The following HNF4A variants were observed in gnomAD, a reference collection of about 807,000 sequenced individuals.
HNF4A encodes hepatocyte nuclear factor 4 alpha.
In HNF4A, 15 loss-of-function variants were observed where a neutral mutation model predicts 52.4. The ratio of observed to expected loss-of-function variants is 0.29; its 90% CI spans 0.19 to 0.44. HNF4A has a LOEUF of 0.44. Ranked by LOEUF, HNF4A falls within the 20% of genes least tolerant of loss-of-function variation. The pLI, the probability that HNF4A is intolerant of heterozygous loss-of-function variation, is 1.00. For missense variants in HNF4A, 479 were observed against 647.2 expected, an observed-to-expected ratio of 0.74 and a Z score of 2.82; for synonymous variants, 280 against 264.4, an observed-to-expected ratio of 1.06 and a Z score of -0.57.
intron 1 of HNF4A, among the ~76,000 whole-genome samples, chr20:44,373,874 G>C (rs1376890087): frequency 6.6e-6 from 1 of 151,970 alleles, no homozygotes; most frequent in African/African-American, 2.4e-5. Flanking sequence ...ATTTTTAGTA[G>C]AGGTGGGGTT....
At position 44,429,599 on chromosome 20, in the gene HNF4A, C is replaced by T. The variant is rs748590780; in HGVS notation, c.1359C>T (p.Val453=). ...CCTATAAGCTCCTGCCGGGAGCCGT[C>T]GCCACAATCGTCAAGCCCCTCTCTG... is the stretch of plus-strand genomic sequence containing the variant. The change falls in exon 10 of 10, where the codon GTC becomes GTT. Residue 453 remains valine, a synonymous_variant. Coordinates refer to ENST00000316099, the MANE Select transcript of HNF4A (RefSeq NM_000457.6). The T allele has an allele frequency of 4.8e-5, 78 of 1,613,954 alleles. No individual in the cohort carries two copies. Among genetic ancestry groups the T allele is most frequent in the Non-Finnish European group, 5.9e-5 (70 of 1,180,014 alleles).
intron 1 of HNF4A, chr20:44,390,572 C>T (rs778796252): frequency 1.4e-6 from 1 of 701,554 alleles, no homozygotes; most frequent in South Asian, 1.5e-5. Context: ...CTGAGAGGGG[C>T]CAGCAGGAGC....
intron 1 of HNF4A, among the ~76,000 whole-genome samples, chr20:44,382,806 A>C (rs1368033850): frequency 6.6e-6 from 1 of 152,170 alleles, no homozygotes; most frequent in African/African-American, 2.4e-5. Flanking sequence ...TACACTAAAT[A>C]AATAAATCAT....
At chr20:44,391,167 G>A (rs58076004) in intron 1 of HNF4A, among the ~76,000 whole-genome samples, 1 of 152,064 alleles carries the variant, frequency 6.6e-6, no homozygotes, top group East Asian at 1.9e-4. Context: ...CCCAGAGCTT[G>A]TCTCATCGGC....
Position 44,429,813 on chromosome 20 carries a change from C to G in HNF4A, c.*148C>G, listed in dbSNP as rs1046197924. The G allele has an allele frequency of 1.2e-6, 1 of 802,058 alleles. No homozygotes were observed. The highest frequency in any genetic ancestry group is 2.0e-6 in the Non-Finnish European group (1 of 499,078). 49.7% of individuals were successfully genotyped at this position (802,058 alleles called of 1,614,324 possible). A position where few individuals can be genotyped will look rare whatever the true frequency, so the allele number is the denominator to read the frequency against. Reference sequence around the variant, plus strand: ...AAGGATGAAGGGCCCGAGAACATGGCCTAAGGGCCACATCCCACTGCCACC... The same window carrying G: ...AAGGATGAAGGGCCCGAGAACATGGGCTAAGGGCCACATCCCACTGCCACC... On this transcript the variant is annotated 3_prime_UTR_variant, in exon 10 of 10. Coordinates refer to ENST00000316099, the MANE Select transcript of HNF4A (RefSeq NM_000457.6).
chr20:44,360,711 A>G (rs946569880), intron 1 of HNF4A, among the ~76,000 whole-genome samples: 1 of 152,200 alleles, frequency 6.6e-6, no homozygotes, highest in Admixed American at 6.5e-5. Flanking sequence ...TTTAAGTGCC[A>G]GGTGAGCCTA....
intron 1 of HNF4A, among the ~76,000 whole-genome samples, chr20:44,383,033 G>A (rs979273652): frequency 6.6e-6 from 1 of 152,082 alleles, no homozygotes; most frequent in Admixed American, 6.6e-5. Flanking sequence ...GCCAGGGGTG[G>A]TGGTCCACAC....
chr20:44,356,029 C>G (rs553052414), intron 1 of HNF4A, among the ~76,000 whole-genome samples, 176 bp downstream of exon 1: 2 of 150,738 alleles, frequency 1.3e-5, no homozygotes, highest in Admixed American at 1.3e-4. Context: ...CAAGCCGGGG[C>G]ATGGCCTGCT....
chr20:44,428,228 A>G, intron 8 of HNF4A, 107 bp from the exon 9 acceptor site: 1 of 1,137,042 alleles, frequency 8.8e-7, no homozygotes, highest in South Asian at 1.2e-5. Context: ...AGGCACTGCC[A>G]ATATTGGATG....
At chr20:44,361,311 G>T (rs991879988) in intron 1 of HNF4A, among the ~76,000 whole-genome samples, 1 of 152,212 alleles carries the variant, frequency 6.6e-6, no homozygotes, top group African/African-American at 2.4e-5. Flanking sequence ...TTCAGTTGAG[G>T]TATGGAAACC....
chr20:44,412,827 A>AG (rs1334285302), intron 3 of HNF4A, among the ~76,000 whole-genome samples: 1 of 152,084 alleles, frequency 6.6e-6, no homozygotes, highest in Non-Finnish European at 1.5e-5. Flanking sequence ...GAGTGCAGGG[A>AG]GCCGGCTGGC....
chr20:44,408,420 T>C (rs2063533518), intron 3 of HNF4A, among the ~76,000 whole-genome samples: 1 of 152,170 alleles, frequency 6.6e-6, no homozygotes, highest in Non-Finnish European at 1.5e-5. Context: ...CAAAAATCTT[T>C]TAACTGCTTT....
At chr20:44,366,731 G>A (rs2062973928) in intron 1 of HNF4A, among the ~76,000 whole-genome samples, 2 of 152,172 alleles carry the variant, frequency 1.3e-5, no homozygotes, top group Non-Finnish European at 2.9e-5. Flanking sequence ...TGCATTTATT[G>A]TATGTTAGAA....
chr20:44,382,660 T>A (rs1164955659), intron 1 of HNF4A, among the ~76,000 whole-genome samples: 2 of 152,184 alleles, frequency 1.3e-5, no homozygotes, highest in Non-Finnish European at 2.9e-5. Flanking sequence ...GCCAAGGACC[T>A]CTTAGCTCCT....
chr20:44,429,611 C>G lies in HNF4A; in HGVS notation c.1371C>G (p.Val457=), dbSNP rs760563887. The G allele has an allele frequency of 1.9e-6, 3 of 1,614,092 alleles. No individual in the cohort carries two copies. Among genetic ancestry groups the G allele is most frequent in the Non-Finnish European group, 2.5e-6 (3 of 1,180,018 alleles). Residue 457 remains valine (V), a synonymous_variant, in exon 10 of 10, where the codon GTC becomes GTG. Coordinates refer to ENST00000316099, the MANE Select transcript of HNF4A (RefSeq NM_000457.6). ...TGCCGGGAGCCGTCGCCACAATCGTCAAGCCCCTCTCTGCCATCCCCCAGC... is the reference window on the plus strand; with the variant it reads ...TGCCGGGAGCCGTCGCCACAATCGTGAAGCCCCTCTCTGCCATCCCCCAGC...
chr20:44,390,615 G>A (rs758778895), intron 1 of HNF4A: 57 of 702,384 alleles, frequency 8.1e-5, no homozygotes, highest in Admixed American at 7.6e-4. Context: ...TGCACTGTGC[G>A]GGACCCCATA....
intron 1 of HNF4A, among the ~76,000 whole-genome samples, chr20:44,404,779 G>GGTTGTTGA (rs2063463038): frequency 2.2e-5 from 2 of 90,002 alleles, no homozygotes; most frequent in Non-Finnish European, 4.3e-5. Flanking sequence ...ATATATGTGT[G>GGTTGTTGA]TGTGTGCGTG....
upstream of HNF4A, among the ~76,000 whole-genome samples, chr20:44,401,002 A>G (rs13039361): frequency 1.3e-5 from 2 of 151,956 alleles, no homozygotes; most frequent in Non-Finnish European, 2.9e-5. Context: ...TCAAGGGTCA[A>G]ATGAGTGCCC....
intron 1 of HNF4A, among the ~76,000 whole-genome samples, chr20:44,381,637 G>T (rs954895898): frequency 4.0e-5 from 6 of 151,778 alleles, no homozygotes; most frequent in Admixed American, 3.9e-4. Context: ...TTGAGACTGA[G>T]TCTCAATCTA....
Sources: allele counts gnomAD v4.1 joint callset (sites outside exome capture counted in the v4.1 genomes callset), GRCh38; gene constraint gnomAD v4.1.1; transcripts MANE v1.5; gene names NCBI Gene and HGNC (gene_info 2026-07-23, HGNC 2026-07-21).